The following PTN variants were observed in gnomAD, a reference collection of about 807,000 sequenced individuals.
PTN encodes the protein heparin affin regulatory protein.
A neutral mutation model predicts 24.1 loss-of-function variants in PTN; 18 were observed. That is an observed-to-expected ratio of 0.75 (90% CI 0.52 to 1.11). The LOEUF (loss-of-function observed/expected upper bound fraction) is 1.11. PTN is among the 50% of genes least tolerant of loss of function. PTN has a pLI of 0.00. For synonymous variants in PTN, 78 were observed against 68.6 expected (o/e 1.14, Z -0.67); for missense variants, 163 against 198.8 (o/e 0.82, Z 1.08).
At chr7:137,313,569 G>A (rs1810019464) in intron 1 of PTN, among the ~76,000 whole-genome samples, 1 of 152,102 alleles carries the variant, frequency 6.6e-6, no homozygotes, top group Admixed American at 6.5e-5. Flanking sequence ...TATAATAGCT[G>A]GAGGAAATGT....
intron 1 of PTN, among the ~76,000 whole-genome samples, chr7:137,298,698 CA>C (rs781358858): frequency 4.6e-5 from 7 of 151,930 alleles, no homozygotes; most frequent in Non-Finnish European, 8.8e-5. Context: ...TAGAAGGAAG[CA>C]TCCAACTCTG....
At chr7:137,236,165 C>T (rs1465618423) in intron 4 of PTN, 4 of 702,220 alleles carry the variant, frequency 5.7e-6, no homozygotes, top group Middle Eastern at 4.6e-4. Context: ...GTAGACGAAT[C>T]CATCTCCCTT....
rs753374720 is a variant in PTN at position 137,283,952 on chromosome 7, A to ATTTTTTT, written c.-1-28985_-1-28979dup. On this transcript the variant is annotated intron_variant, in intron 1 of 4. Transcript: ENST00000348225. ...AAATGAATGTGAAAATGAGCATCAGATTTTTTTTTTTTTTTTTTTTTTTTT... is the reference window on the plus strand; with the variant it reads ...AAATGAATGTGAAAATGAGCATCAGATTTTTTTTTTTTTTTTTTTTTTTTTTTTTTTT... Among the ~76,000 whole-genome samples the ATTTTTTT allele has an allele frequency of 1.8e-3, 88 of 48,922 alleles. 23 individuals are homozygous for ATTTTTTT. The highest frequency in any genetic ancestry group is 6.2e-3 in the East Asian group (8 of 1,294). The allele number at this position is 48,922 out of a possible 152,430, so 32.1% of individuals were successfully genotyped here.
chr7:137,299,240 T>A (rs1451793446), intron 1 of PTN, among the ~76,000 whole-genome samples: 1 of 151,954 alleles, frequency 6.6e-6, no homozygotes, highest in Non-Finnish European at 1.5e-5. Context: ...AACAAAACTC[T>A]CAACTATCAC....
Position 137,268,161 on chromosome 7 carries a change from C to T in PTN, c.-1-13187G>A, listed in dbSNP as rs185930063. On this transcript the variant is annotated intron_variant, in intron 1 of 4. Coordinates refer to ENST00000348225, the MANE Select transcript of PTN (RefSeq NM_002825.7). ...CCACTGCGTTGATCCTCCACGGGGG[C>T]CTGCCACACACGGCTCTGGCGAGGC... Among the ~76,000 whole-genome samples, 600 of 152,186 alleles carry T rather than the reference C, an allele frequency of 3.9e-3. 4 individuals carry two copies. The highest frequency in any genetic ancestry group is 5.8e-3 in the Non-Finnish European group (397 of 68,024).
intron 1 of PTN, among the ~76,000 whole-genome samples, chr7:137,322,574 GA>G (rs1226251315): frequency 6.6e-6 from 1 of 151,918 alleles, no homozygotes; most frequent in Non-Finnish European, 1.5e-5. Flanking sequence ...TAAATGTATA[GA>G]AAAATTAAAA....
chr7:137,249,164 A>G (rs998521184), intron 4 of PTN, among the ~76,000 whole-genome samples: 1 of 151,890 alleles, frequency 6.6e-6, no homozygotes, highest in African/African-American at 2.4e-5. Flanking sequence ...TCAACATTTT[A>G]TGTGTTCACC....
chr7:137,330,150 G>T (rs1450851872), intron 1 of PTN, among the ~76,000 whole-genome samples: 1 of 152,134 alleles, frequency 6.6e-6, no homozygotes, highest in East Asian at 1.9e-4. Context: ...AGCTAGGTGT[G>T]GTAACATGGG....
chr7:137,312,271 G>A (rs1809994880), intron 1 of PTN, among the ~76,000 whole-genome samples: 1 of 152,176 alleles, frequency 6.6e-6, no homozygotes, highest in African/African-American at 2.4e-5. Flanking sequence ...GCAGCAATGA[G>A]GCATTCAAAT....
intron 1 of PTN, among the ~76,000 whole-genome samples, chr7:137,327,503 C>T (rs951363832): frequency 1.3e-5 from 2 of 152,040 alleles, no homozygotes; most frequent in African/African-American, 4.8e-5. Context: ...ATCTTTCTGC[C>T]ATACACAATG....
At chr7:137,291,627 T>C (rs1585031902) in intron 1 of PTN, among the ~76,000 whole-genome samples, 1 of 151,826 alleles carries the variant, frequency 6.6e-6, no homozygotes, top group Non-Finnish European at 1.5e-5. Context: ...CCAGTTGACA[T>C]CCCCAACGGC....
At chr7:137,236,249 G>A in intron 4 of PTN, 2 of 702,180 alleles carry the variant, frequency 2.8e-6, no homozygotes, top group Non-Finnish European at 5.2e-6. Context: ...TTCTCTATAA[G>A]AAGGAATTGA....
At chr7:137,338,861 C>T (rs1289861020) in intron 1 of PTN, among the ~76,000 whole-genome samples, 2 of 152,054 alleles carry the variant, frequency 1.3e-5, no homozygotes, top group Admixed American at 6.6e-5. Flanking sequence ...GAGTCCAGAG[C>T]TCATTAGAGA....
chr7:137,261,952 T>C (rs1446854616), intron 1 of PTN, among the ~76,000 whole-genome samples: 1 of 152,212 alleles, frequency 6.6e-6, no homozygotes, highest in Non-Finnish European at 1.5e-5. Flanking sequence ...TGGCCAGTTT[T>C]TACACAGAAA....
chr7:137,337,445 G>A (rs1810466646), intron 1 of PTN, among the ~76,000 whole-genome samples: 2 of 151,916 alleles, frequency 1.3e-5, no homozygotes, highest in Admixed American at 1.3e-4. Context: ...ATCTACCTGA[G>A]TAGAGTTACA....
chr7:137,315,168 T>C (rs1225669000), intron 1 of PTN, among the ~76,000 whole-genome samples: 1 of 152,310 alleles, frequency 6.6e-6, no homozygotes, highest in East Asian at 1.9e-4. Context: ...CTAATAATTA[T>C]GCCATGCAAT....
chr7:137,282,344 T>G (rs1049472880), intron 1 of PTN, among the ~76,000 whole-genome samples: 1 of 152,220 alleles, frequency 6.6e-6, no homozygotes. Context: ...GTGTATACAA[T>G]ATATCCAGAG....
chr7:137,245,182 C>T lies in PTN; in HGVS notation c.451+6048G>A, dbSNP rs1198636785. On this transcript the variant is annotated intron_variant, in intron 4 of 4. Transcript: ENST00000348225. ...GCAAAGAAGTTCTCTAAAATGAAAA[C>T]AAGCAAATATCAAACAAACAAAACA... Among the ~76,000 whole-genome samples the T allele has an allele frequency of 2.0e-5, 3 of 152,222 alleles. No homozygotes were observed. The East Asian group carries it at 5.8e-4, about 29-fold the overall frequency.
chr7:137,267,850 T>A lies in PTN; in HGVS notation c.-1-12876A>T, dbSNP rs190151387. ...ACCAAAACCAAAGTATCAAGCAATC[T>A]AAGTCAAGTCAAAAACAAAAAACAA... On this transcript the variant is annotated intron_variant, in intron 1 of 4. Coordinates refer to ENST00000348225, the MANE Select transcript of PTN (RefSeq NM_002825.7). Among the ~76,000 whole-genome samples the A allele has an allele frequency of 3.0e-3, 450 of 152,028 alleles. 2 individuals carry two copies. The highest frequency in any genetic ancestry group is 0.01 in the African/African-American group (429 of 41,438).
Sources: allele counts gnomAD v4.1 joint callset (sites outside exome capture counted in the v4.1 genomes callset), GRCh38; gene constraint gnomAD v4.1.1; transcripts MANE v1.5; gene names NCBI Gene and HGNC (gene_info 2026-07-23, HGNC 2026-07-21).